ADAMTS2: variants seen among roughly 807,000 people sequenced by gnomAD.
ADAMTS2 encodes the protein A disintegrin and metalloproteinase with thrombospondin motifs 2.
A neutral mutation model predicts 123.0 loss-of-function variants in ADAMTS2; 50 were observed. The observed-to-expected ratio is 0.41, with a 90% confidence interval of 0.32 to 0.51. The LOEUF (loss-of-function observed/expected upper bound fraction) is 0.51, where lower values mean the gene tolerates loss of function less well. ADAMTS2 is among the 20% of genes least tolerant of loss of function. The probability of loss-of-function intolerance (pLI) is 0.35; values close to 1 mark genes in which losing one functional copy is unlikely to be tolerated. For missense variants in ADAMTS2, 1,494 were observed against 1,705.2 expected (o/e 0.88, Z 2.18); for synonymous variants, 678 against 695.4 (o/e 0.98, Z 0.39).
At chr5:179,182,339 G>A (rs1306557291) in intron 4 of ADAMTS2, among the ~76,000 whole-genome samples, 1 of 152,198 alleles carries the variant, frequency 6.6e-6, no homozygotes, top group Non-Finnish European at 1.5e-5. Context: ...CCCAGGGGCT[G>A]CTGACAGCTC....
At chr5:179,146,637 G>T (rs1222582894) in intron 10 of ADAMTS2, among the ~76,000 whole-genome samples, 2 of 152,180 alleles carry the variant, frequency 1.3e-5, no homozygotes, top group Admixed American at 6.5e-5. Flanking sequence ...ACGCTCCAAG[G>T]CCTGTTAACT....
chr5:179,192,747 A>C (rs1361859395), intron 4 of ADAMTS2, among the ~76,000 whole-genome samples: 1 of 152,172 alleles, frequency 6.6e-6, no homozygotes, highest in African/African-American at 2.4e-5. Context: ...TCACTCTGTG[A>C]ACATTCCCAC....
chr5:179,154,359 C>T (rs952647964), intron 7 of ADAMTS2, among the ~76,000 whole-genome samples, 167 bp from the exon 8 acceptor site: 10 of 152,168 alleles, frequency 6.6e-5, no homozygotes, highest in South Asian at 2.1e-4. Flanking sequence ...ATTTGAAAGC[C>T]GAGGCACTCT....
At position 179,206,313 on chromosome 5, in the gene ADAMTS2, C is replaced by A. The variant is rs202069216; in HGVS notation, c.891+1200G>T. 7.2e-5 allele frequency among the ~76,000 whole-genome samples: 11 copies of A among 152,232 alleles called. No homozygotes were observed. The East Asian group carries it at 2.1e-3, about 29-fold the overall frequency. On this transcript the variant is annotated intron_variant, in intron 4 of 21. Transcript: ENST00000251582. ...CCCCTGAGGTATCTTTTCACCAGGG[C>A]CCTGGGGACTCTGACCCATGTGTCA... is the stretch of plus-strand genomic sequence containing the variant.
intron 5 of ADAMTS2, among the ~76,000 whole-genome samples, chr5:179,179,402 A>T (rs2113308440): frequency 6.6e-6 from 1 of 152,170 alleles, no homozygotes; most frequent in African/African-American, 2.4e-5. Flanking sequence ...TTTCTTTATG[A>T]CCCAAAACAC....
chr5:179,192,966 C>T (rs187627825), intron 4 of ADAMTS2, among the ~76,000 whole-genome samples: 38 of 152,356 alleles, frequency 2.5e-4, no homozygotes, highest in Non-Finnish European at 4.4e-4. Context: ...CACGCGCCTT[C>T]TCCCACCCCA....
chr5:179,196,252 C>T (rs56805108), intron 4 of ADAMTS2, among the ~76,000 whole-genome samples: 1 of 151,572 alleles, frequency 6.6e-6, no homozygotes, highest in Non-Finnish European at 1.5e-5. Context: ...ATCATTCATT[C>T]AAAAAAAACG....
intron 2 of ADAMTS2, among the ~76,000 whole-genome samples, chr5:179,288,937 C>A (rs1202701399): frequency 6.6e-6 from 1 of 152,242 alleles, no homozygotes; most frequent in East Asian, 1.9e-4. Flanking sequence ...GCATCCATAC[C>A]GCAGCACAGC....
At chr5:179,248,088 G>A (rs1765845102) in intron 3 of ADAMTS2, among the ~76,000 whole-genome samples, 1 of 152,120 alleles carries the variant, frequency 6.6e-6, no homozygotes, top group Non-Finnish European at 1.5e-5. Context: ...TTATAATAAA[G>A]GGTGGGGAAG....
At chr5:179,254,668 C>G (rs1766005119) in intron 3 of ADAMTS2, among the ~76,000 whole-genome samples, 1 of 152,240 alleles carries the variant, frequency 6.6e-6, no homozygotes, top group Non-Finnish European at 1.5e-5. Flanking sequence ...CACACACTCC[C>G]TCTCACTGTC....
intron 4 of ADAMTS2, among the ~76,000 whole-genome samples, chr5:179,182,663 G>A (rs144091326): frequency 3.9e-4 from 60 of 152,274 alleles, no homozygotes; most frequent in African/African-American, 1.3e-3. Context: ...CAGCCCAAAC[G>A]CAGCTCCTCT....
intron 2 of ADAMTS2, among the ~76,000 whole-genome samples, chr5:179,284,101 C>T (rs960048306): frequency 5.3e-5 from 8 of 151,180 alleles, no homozygotes; most frequent in African/African-American, 1.2e-4. Flanking sequence ...GAGGACGAGG[C>T]GAATGGATCA....
chr5:179,329,829 A>G (rs2127458965), intron 2 of ADAMTS2, among the ~76,000 whole-genome samples: 1 of 152,310 alleles, frequency 6.6e-6, no homozygotes, highest in South Asian at 2.1e-4. Flanking sequence ...ACCAGCCATT[A>G]AAGAAACAAG....
intron 2 of ADAMTS2, among the ~76,000 whole-genome samples, chr5:179,304,524 G>A (rs1319055492): frequency 2.0e-5 from 3 of 152,112 alleles, no homozygotes; most frequent in South Asian, 2.1e-4. Flanking sequence ...AGGACCAAAC[G>A]GAAATTTTAG....
intron 4 of ADAMTS2, among the ~76,000 whole-genome samples, chr5:179,184,722 C>T (rs1764130753): frequency 6.6e-6 from 1 of 152,066 alleles, no homozygotes; most frequent in Non-Finnish European, 1.5e-5. Context: ...CTGGGCGAGC[C>T]TGACCTGGTC....
intron 3 of ADAMTS2, among the ~76,000 whole-genome samples, chr5:179,208,850 G>T (rs893491168): frequency 6.6e-6 from 1 of 152,166 alleles, no homozygotes. Flanking sequence ...GAGACTCCTG[G>T]CCCGGGACAG....
chr5:179,129,784 G>T lies in ADAMTS2; in HGVS notation c.2457+148C>A. The T allele has an allele frequency of 9.4e-7, 1 of 1,067,896 alleles. No homozygotes were observed. Among genetic ancestry groups the T allele is most frequent in the Non-Finnish European group, 1.3e-6 (1 of 743,134 alleles). The allele number at this position is 1,067,896 out of a possible 1,614,324, so 66.2% of individuals were successfully genotyped here. On this transcript the variant is annotated intron_variant, in intron 16 of 21. Coordinates refer to ENST00000251582, the MANE Select transcript of ADAMTS2 (RefSeq NM_014244.5). The surrounding 1 kb of genome is among the most constrained non-coding windows in gnomAD (Gnocchi z 4.1). ...CATGTCCCTTCCTGGCTCTGACCAA[G>T]TCGGAGCCCCTTGGTGCCAAAGGCA...
Position 179,314,068 on chromosome 5 carries a change from GT to G in ADAMTS2, c.534+29698del, listed in dbSNP as rs539905856. Reference sequence around the variant, plus strand: ...CAGAACCTGATGGTGGGGCGGGGGGGTTCCTCACACACCCCACACCCCTGCC... The same window carrying G: ...CAGAACCTGATGGTGGGGCGGGGGGGTCCTCACACACCCCACACCCCTGCC... On this transcript the variant is annotated intron_variant, in intron 2 of 21. Transcript: ENST00000251582. The surrounding 1 kb of genome is among the most constrained non-coding windows in gnomAD (Gnocchi z 4.5). Among the ~76,000 whole-genome samples, 188 of 150,870 alleles carry G rather than the reference GT, an allele frequency of 1.2e-3. 3 individuals are homozygous for G. The South Asian group carries it at 0.016, about 13-fold the overall frequency.
At chr5:179,326,635 G>A (rs1581278710) in intron 2 of ADAMTS2, among the ~76,000 whole-genome samples, 2 of 152,100 alleles carry the variant, frequency 1.3e-5, no homozygotes, top group African/African-American at 2.4e-5. Context: ...TGTAGTAACA[G>A]GCCCTTCGCT....
Sources: allele counts gnomAD v4.1 joint callset (sites outside exome capture counted in the v4.1 genomes callset), GRCh38; gene constraint gnomAD v4.1.1; non-coding constraint Gnocchi (gnomAD v3.1); transcripts MANE v1.5; gene names NCBI Gene and HGNC (gene_info 2026-07-23, HGNC 2026-07-21).